The following DIP2C variants were observed in gnomAD, a reference collection of about 807,000 sequenced individuals.
The protein encoded by DIP2C is DIP2 acetate--CoA ligase C (putative), also known as disco-interacting protein 2 homolog C.
DIP2C carries 33 observed loss-of-function variants against 192.4 expected under a neutral mutation model. That is an observed-to-expected ratio of 0.17 (90% CI 0.13 to 0.23). The LOEUF is 0.23. DIP2C is among the 10% of genes least tolerant of loss of function. The probability of loss-of-function intolerance (pLI) is 1.00; values close to 1 mark genes in which losing one functional copy is unlikely to be tolerated. For synonymous variants in DIP2C, 979 were observed against 864.1 expected (o/e 1.13, Z -2.33); for missense variants, 1,537 against 2,110.1 (o/e 0.73, Z 5.32).
Position 414,734 on chromosome 10 carries a change from TGTGTGTA to T in DIP2C, c.860-631_860-625del, listed in dbSNP as rs1564679847. ...GTGTGTGTGTGTGTGTGTGTGTGTG[TGTGTGTA>T]CATATATATATATATAATGTGTATA... is the stretch of plus-strand genomic sequence containing the variant. On this transcript the variant is annotated intron_variant, in intron 7 of 36. Coordinates refer to ENST00000280886, the MANE Select transcript of DIP2C (RefSeq NM_014974.3). Among the ~76,000 whole-genome samples the T allele has an allele frequency of 1.4e-4, 12 of 86,600 alleles. 1 individual carries two copies. The highest frequency in any genetic ancestry group is 5.5e-4 in the South Asian group (1 of 1,810). The allele number at this position is 86,600 out of a possible 152,430, so 56.8% of individuals were successfully genotyped here.
intron 32 of DIP2C, among the ~76,000 whole-genome samples, chr10:303,822 C>T (rs984317581): frequency 6.6e-6 from 1 of 152,124 alleles, no homozygotes; most frequent in Non-Finnish European, 1.5e-5. Context: ...CGCGCCTGGC[C>T]GAAAGTTTTT....
chr10:376,009 A>G (rs1030310681), intron 17 of DIP2C, among the ~76,000 whole-genome samples: 4 of 152,206 alleles, frequency 2.6e-5, no homozygotes, highest in African/African-American at 9.7e-5. Context: ...TATGCAACGG[A>G]CCACACACAA....
chr10:570,703 A>G (rs190783840), intron 1 of DIP2C, among the ~76,000 whole-genome samples: 1 of 152,232 alleles, frequency 6.6e-6, no homozygotes, highest in Non-Finnish European at 1.5e-5. Flanking sequence ...AACTGATTAA[A>G]GTCTGTTGAG....
At chr10:499,032 C>CAT (rs1165530812) in intron 1 of DIP2C, among the ~76,000 whole-genome samples, 5 of 152,228 alleles carry the variant, frequency 3.3e-5, no homozygotes, top group Admixed American at 6.5e-5. Flanking sequence ...CACCAGTTTT[C>CAT]ATGCAAGGCA....
intron 10 of DIP2C, among the ~76,000 whole-genome samples, chr10:391,614 G>A (rs1963462179): frequency 6.6e-6 from 1 of 152,248 alleles, no homozygotes; most frequent in South Asian, 2.1e-4. Flanking sequence ...CACCAGCTGT[G>A]CCAGCTGTGT....
intron 1 of DIP2C, among the ~76,000 whole-genome samples, chr10:535,385 G>A (rs532676513): frequency 2.6e-5 from 4 of 151,812 alleles, no homozygotes; most frequent in African/African-American, 4.8e-5. Flanking sequence ...CGCTTCTCGG[G>A]GGGCATTTCC....
chr10:324,568 T>C (rs1957177770), intron 31 of DIP2C: 2 of 178,232 alleles, frequency 1.1e-5, no homozygotes, highest in East Asian at 1.6e-4. Flanking sequence ...ATAGGTCAAG[T>C]AGAAAACTGA....
intron 2 of DIP2C, among the ~76,000 whole-genome samples, chr10:480,388 C>T (rs1843516591): frequency 6.6e-6 from 1 of 150,450 alleles, no homozygotes; most frequent in Non-Finnish European, 1.5e-5. Flanking sequence ...CTGGATAAGA[C>T]TCATCCACCA....
At chr10:468,143 C>T (rs72774508) in intron 3 of DIP2C, among the ~76,000 whole-genome samples, 6,218 of 152,176 alleles carry the variant, frequency 0.041, 190 homozygotes, top group Admixed American at 0.067. Flanking sequence ...TGAAATCTGT[C>T]TATTGGTAAT....
At chr10:551,256 C>CT (rs1447655525) in intron 1 of DIP2C, among the ~76,000 whole-genome samples, 1 of 152,234 alleles carries the variant, frequency 6.6e-6, no homozygotes, top group Non-Finnish European at 1.5e-5. Context: ...ACCATGCCCC[C>CT]TCCTCCCCAC....
intron 6 of DIP2C, among the ~76,000 whole-genome samples, chr10:417,667 AGGGCTCGGATAGGCCTCC>A (rs1965764477): frequency 1.9e-4 from 1 of 5,310 alleles, no homozygotes; most frequent in African/African-American, 4.8e-4. Context: ...TGTTCCTGTC[AGGGCTCGGATAGGCCTCC>A]CTGTCCGCCT....
chr10:639,379 T>G (rs1372173493), intron 1 of DIP2C, among the ~76,000 whole-genome samples: 3 of 133,378 alleles, frequency 2.2e-5, no homozygotes, highest in South Asian at 2.5e-4. Context: ...GGTCCACACA[T>G]GGGGATGTGT....
intron 1 of DIP2C, among the ~76,000 whole-genome samples, chr10:581,873 C>T (rs926021366): frequency 6.6e-6 from 1 of 152,138 alleles, no homozygotes; most frequent in Non-Finnish European, 1.5e-5. Flanking sequence ...CATGTTAGGC[C>T]AGCTGTCCCC....
At chr10:605,433 G>T (rs1399897624) in intron 1 of DIP2C, among the ~76,000 whole-genome samples, 1 of 152,170 alleles carries the variant, frequency 6.6e-6, no homozygotes, top group Non-Finnish European at 1.5e-5. Flanking sequence ...ATTCCTTACA[G>T]AAAAACTACC....
intron 1 of DIP2C, among the ~76,000 whole-genome samples, chr10:506,708 A>T (rs901361353): frequency 1.3e-5 from 2 of 152,220 alleles, no homozygotes; most frequent in African/African-American, 4.8e-5. Context: ...CTCCCGGGAC[A>T]ACATTCTATT....
intron 1 of DIP2C, among the ~76,000 whole-genome samples, chr10:492,329 C>T: frequency 6.6e-6 from 1 of 152,222 alleles, no homozygotes; most frequent in East Asian, 1.9e-4. Context: ...CCCAACCTGG[C>T]CCTGCCGCCT....
chr10:688,401 T>C (rs941517460), intron 1 of DIP2C, among the ~76,000 whole-genome samples: 27 of 152,118 alleles, frequency 1.8e-4, no homozygotes, highest in Non-Finnish European at 1.5e-5. Flanking sequence ...GCCCTGAAAG[T>C]GTTAAAAAGG....
intron 1 of DIP2C, among the ~76,000 whole-genome samples, chr10:654,401 T>C (rs1406303933): frequency 6.6e-6 from 1 of 152,204 alleles, no homozygotes; most frequent in Non-Finnish European, 1.5e-5. Flanking sequence ...TTTCCAATTT[T>C]GTTAAAATGA....
intron 3 of DIP2C, among the ~76,000 whole-genome samples, chr10:464,096 A>G (rs1970012340): frequency 6.6e-6 from 1 of 152,232 alleles, no homozygotes; most frequent in Non-Finnish European, 1.5e-5. Flanking sequence ...CAAAGACTTC[A>G]ATACTAAAAC....
Sources: allele counts gnomAD v4.1 joint callset (sites outside exome capture counted in the v4.1 genomes callset), GRCh38; gene constraint gnomAD v4.1.1; transcripts MANE v1.5; gene names NCBI Gene and HGNC (gene_info 2026-07-23, HGNC 2026-07-21).